Variants in NOS1 observed in about 807,000 individuals in gnomAD.
NOS1 encodes nitric oxide synthase 1, also known as NOS type I.
Under a neutral mutation model 164.5 loss-of-function variants are expected in NOS1, and 51 were observed. The observed-to-expected ratio is 0.31, with a 90% CI of 0.25 to 0.39. The LOEUF is 0.39. Ranked by LOEUF, NOS1 falls within the 10% of genes least tolerant of loss-of-function variation. NOS1 has a pLI of 1.00. For synonymous variants in NOS1, 719 were observed against 745.8 expected, an observed-to-expected ratio of 0.96 and a Z score of 0.59; for missense variants, 1,362 against 1,885.6, an observed-to-expected ratio of 0.72 and a Z score of 5.14.
intron 3 of NOS1, among the ~76,000 whole-genome samples, chr12:117,301,225 T>C (rs1873792613): frequency 6.6e-6 from 1 of 152,108 alleles, no homozygotes; most frequent in Non-Finnish European, 1.5e-5. Flanking sequence ...TCTCCCAGGT[T>C]CAAGCGATCC....
Position 117,234,493 on chromosome 12 carries a change from G to T in NOS1, c.3235+72C>A. The T allele has an allele frequency of 6.8e-7, 1 of 1,473,956 alleles. No individual in the cohort carries two copies. Among genetic ancestry groups the T allele is most frequent in the Non-Finnish European group, 9.3e-7 (1 of 1,076,030 alleles). The allele number at this position is 1,473,956 out of a possible 1,614,324, so 91.3% of individuals were successfully genotyped here. ...CCTGGACTGGTGATTGGGAAGAAAA[G>T]GTATCTTCTTCCCGAGACACCCACT... On this transcript the variant is annotated intron_variant, in intron 21 of 28. Transcript: ENST00000317775. The surrounding 1 kb of genome is among the most constrained non-coding windows in gnomAD (Gnocchi z 4.3).
At chr12:117,240,916 C>G (rs1171003239) in intron 20 of NOS1, among the ~76,000 whole-genome samples, 1 of 151,718 alleles carries the variant, frequency 6.6e-6, no homozygotes, top group Non-Finnish European at 1.5e-5. Context: ...CCATCTCTCT[C>G]CTTGTATAAG....
At chr12:117,305,517 G>A (rs1470336243) in intron 3 of NOS1, among the ~76,000 whole-genome samples, 14 of 151,628 alleles carry the variant, frequency 9.2e-5, no homozygotes, top group Admixed American at 9.2e-4. Context: ...GTGGCTTTGA[G>A]CAGGTAGAGG....
rs1329107668 is a variant in NOS1 at position 117,330,503 on chromosome 12, C to T, written c.567G>A (p.Lys189=). 2 of 1,614,156 alleles carry T rather than the reference C, an allele frequency of 1.2e-6. No homozygotes were observed. The highest frequency in any genetic ancestry group is 8.5e-7 in the Non-Finnish European group (1 of 1,180,042). ...APRPPGQDPA[K]KATRVSLQGR... ...CTTGGAGGCTGACTCTGGTTGCTTT[C>T]TTCGCGGGGTCCTGGCCTGGGGGCC... Residue 189 remains lysine, a synonymous_variant, in exon 2 of 29, where the codon AAG becomes AAA. Coordinates refer to ENST00000317775, the MANE Select transcript of NOS1 (RefSeq NM_000620.5). The surrounding 1 kb of genome is among the most constrained non-coding windows in gnomAD (Gnocchi z 4.6).
intron 26 of NOS1, among the ~76,000 whole-genome samples, chr12:117,222,037 T>TTAAGTACCCTTCTCAGTG (rs1956715216): frequency 2.6e-5 from 4 of 152,144 alleles, no homozygotes; most frequent in African/African-American, 9.6e-5. Context: ...CTCAGTGGCA[T>TTAAGTACCCTTCTCAGTG]TAAGTACCCT....
At chr12:117,328,827 T>G (rs1875390317) in intron 2 of NOS1, among the ~76,000 whole-genome samples, 1 of 152,240 alleles carries the variant, frequency 6.6e-6, no homozygotes, top group African/African-American at 2.4e-5. Flanking sequence ...AATGCATCAT[T>G]AGGCAATTCA....
intron 26 of NOS1, 31 bp from the exon 27 acceptor site, chr12:117,220,300 C>T: frequency 6.4e-7 from 1 of 1,566,940 alleles, no homozygotes; most frequent in African/African-American, 1.3e-5. Context: ...TGAGAAGGGG[C>T]TGGGCTGTGC....
rs1189657572 is a variant in NOS1, at chr12:117,272,629, G to C, written c.1665-70C>G. 1.2e-5 allele frequency: 18 copies of C among 1,454,840 alleles called. No individual in the cohort carries two copies. The Admixed American group carries it at 3.6e-4, about 29-fold the overall frequency. 90.1% of individuals were successfully genotyped at this position (1,454,840 alleles called of 1,614,324 possible). ...ATGGGCGGGACAGCTTGAATCTAGA[G>C]ATGCTGAAATGCCAAGGATGGACTG... On this transcript the variant is annotated intron_variant, in intron 9 of 28. Transcript: ENST00000317775. This position sits in a 1 kb window ranked among gnomAD's most constrained non-coding sequence, Gnocchi z 4.3.
At chr12:117,296,064 C>A (rs988477930) in intron 3 of NOS1, among the ~76,000 whole-genome samples, 1 of 152,072 alleles carries the variant, frequency 6.6e-6, no homozygotes, top group Admixed American at 6.5e-5. Flanking sequence ...CATGTATGTG[C>A]ACACCTACAT....
In NOS1 at chr12:117,238,758, G is replaced by A. The variant is rs573440423; in HGVS notation, c.3041+3869C>T. Among the ~76,000 whole-genome samples the A allele has an allele frequency of 2.9e-3, 435 of 152,080 alleles. 1 individual carries two copies. Among genetic ancestry groups the A allele is most frequent in the Middle Eastern group, 0.014 (4 of 294 alleles). On this transcript the variant is annotated intron_variant, in intron 20 of 28. Coordinates refer to ENST00000317775, the MANE Select transcript of NOS1 (RefSeq NM_000620.5). ...TCTCAAACTCCTGACCTCATGATCC[G>A]CCTGCCTCGGCCTCCCAAAGTGCTG...
chr12:117,305,234 G>A (rs897876786), intron 3 of NOS1, among the ~76,000 whole-genome samples: 7 of 152,272 alleles, frequency 4.6e-5, no homozygotes, highest in African/African-American at 9.6e-5. Flanking sequence ...AGGCCGAGGC[G>A]GGTGGATCAC....
rs1489697542 is a variant in NOS1, at chr12:117,290,370, T to C, written c.909A>G (p.Pro303=). The change falls in exon 4 of 29, where the codon CCA becomes CCG. Residue 303 remains proline, a synonymous_variant. Coordinates refer to ENST00000317775, the MANE Select transcript of NOS1 (RefSeq NM_000620.5). ...CCCAGTTCTTGACCTTGAGGAAGCG[T>C]GGACACTTGGAGGGGCTGCCATTCT... ...PTKNGSPSKC[P]RFLKVKNWET... 1.2e-6 allele frequency: 2 copies of C among 1,613,894 alleles called. No homozygotes were observed. Among genetic ancestry groups the C allele is most frequent in the Non-Finnish European group, 8.5e-7 (1 of 1,179,942 alleles).
intron 3 of NOS1, among the ~76,000 whole-genome samples, chr12:117,299,657 A>AAG (rs1873680952): frequency 7.1e-6 from 1 of 141,224 alleles, no homozygotes; most frequent in African/African-American, 2.7e-5. Flanking sequence ...AAAGAAAAAA[A>AAG]GAAAGTTGAC....
intron 1 of NOS1, among the ~76,000 whole-genome samples, chr12:117,351,030 C>T (rs1042112919): frequency 2.6e-5 from 4 of 152,232 alleles, no homozygotes; most frequent in African/African-American, 4.8e-5. Flanking sequence ...AGGAGAATGG[C>T]GTGAACCCGG....
intron 9 of NOS1, among the ~76,000 whole-genome samples, chr12:117,275,134 C>G (rs555566485): frequency 2.0e-5 from 3 of 151,950 alleles, no homozygotes; most frequent in Non-Finnish European, 4.4e-5. Context: ...GTCTTATGTA[C>G]CGCATAAATA....
At chr12:117,354,939 C>A (rs371324810) in intron 1 of NOS1, among the ~76,000 whole-genome samples, 1 of 152,176 alleles carries the variant, frequency 6.6e-6, no homozygotes. Context: ...TCTGAAGTTG[C>A]GTAAGCTTTT....
chr12:117,211,678 C>T lies in NOS1; in HGVS notation c.*3631G>A, dbSNP rs1027790030. 2.0e-6 allele frequency: 2 copies of T among 985,378 alleles called. No homozygotes were observed. The highest frequency in any genetic ancestry group is 3.5e-5 in the African/African-American group (2 of 57,204). 61.0% of individuals were successfully genotyped at this position (985,378 alleles called of 1,614,324 possible). Reference sequence around the variant, plus strand: ...CTCACTCTTCCCAATTCCTGGACAACTCTTACCTTCCAGAAGCTACCAGTG... The same window carrying T: ...CTCACTCTTCCCAATTCCTGGACAATTCTTACCTTCCAGAAGCTACCAGTG... On this transcript the variant is annotated 3_prime_UTR_variant, in exon 29 of 29. Coordinates refer to ENST00000317775, the MANE Select transcript of NOS1 (RefSeq NM_000620.5).
At chr12:117,260,940 G>A (rs1871852006) in intron 13 of NOS1, among the ~76,000 whole-genome samples, 1 of 151,802 alleles carries the variant, frequency 6.6e-6, no homozygotes, top group African/African-American at 2.4e-5. Flanking sequence ...GGCCGAGGCA[G>A]GTGGATTGCC....
intron 20 of NOS1, among the ~76,000 whole-genome samples, chr12:117,238,896 T>G (rs1380299359): frequency 1.3e-5 from 2 of 152,282 alleles, no homozygotes; most frequent in Admixed American, 1.3e-4. Flanking sequence ...AAGGAAAAAT[T>G]CTTCCGTCTG....
Sources: allele counts gnomAD v4.1 joint callset (sites outside exome capture counted in the v4.1 genomes callset), GRCh38; gene constraint gnomAD v4.1.1; non-coding constraint Gnocchi (gnomAD v3.1); transcripts MANE v1.5; gene names NCBI Gene and HGNC (gene_info 2026-07-23, HGNC 2026-07-21).